The following FAM120B variants were observed in gnomAD, a reference collection of about 807,000 sequenced individuals.
The protein encoded by FAM120B is constitutive coactivator of peroxisome proliferator-activated receptor gamma.
Under a neutral mutation model 96.3 loss-of-function variants are expected in FAM120B, and 83 were observed. That is an observed-to-expected ratio of 0.86 (90% CI 0.72 to 1.03). FAM120B has a LOEUF of 1.03. FAM120B is among the 50% of genes least tolerant of loss of function. The pLI is 0.00. For missense variants in FAM120B, 1,027 were observed against 1,121.2 expected (o/e 0.92, Z 1.20); for synonymous variants, 407 against 402.7 (o/e 1.01, Z -0.13).
intron 4 of FAM120B, among the ~76,000 whole-genome samples, chr6:170,341,637 G>A (rs1429295255): frequency 6.6e-6 from 1 of 152,172 alleles, no homozygotes; most frequent in African/African-American, 2.4e-5. Flanking sequence ...GACACACAAG[G>A]GAATCTTCTG....
chr6:170,317,604 C>A lies in FAM120B; in HGVS notation c.214C>A (p.Arg72=). Residue 72 remains arginine, a synonymous_variant, in exon 2 of 11, where the codon CGA becomes AGA. Transcript: ENST00000476287. ...GQWREYFSAL[R]DFVKTFTAAG... ...GTGGCGAGAATACTTTTCTGCTTTGCGAGATTTTGTTAAAACTTTTACGGC... is the reference window on the plus strand; with the variant it reads ...GTGGCGAGAATACTTTTCTGCTTTGAGAGATTTTGTTAAAACTTTTACGGC... 1 of 1,614,134 alleles carries A rather than the reference C, an allele frequency of 6.2e-7. No homozygotes were observed. The highest frequency in any genetic ancestry group is 8.5e-7 in the Non-Finnish European group (1 of 1,180,030).
At chr6:170,300,934 G>A (rs764508457) in intron 1 of FAM120B, among the ~76,000 whole-genome samples, 43 of 152,324 alleles carry the variant, frequency 2.8e-4, no homozygotes, top group South Asian at 8.3e-4. Flanking sequence ...GGCATAGAGC[G>A]TCTGCAGCTT....
At chr6:170,358,356 A>T in intron 6 of FAM120B, 38 bp downstream of exon 6, 1 of 1,396,774 alleles carries the variant, frequency 7.2e-7, no homozygotes, top group Non-Finnish European at 1.0e-6. Flanking sequence ...TGCCCGGAAG[A>T]CAGCTGTGCA....
At position 170,319,130 on chromosome 6, in the gene FAM120B, T is replaced by A. The variant is rs1785130670; in HGVS notation, c.1734+6T>A. ...CAGACACTGAAATCTTAAAGGTATGTGTATCTGCCCAGCCAATATGCCATG... is the reference window on the plus strand; with the variant it reads ...CAGACACTGAAATCTTAAAGGTATGAGTATCTGCCCAGCCAATATGCCATG... On this transcript the variant is annotated splice_donor_region_variant and intron_variant, in intron 2 of 10. Coordinates refer to ENST00000476287, the MANE Select transcript of FAM120B (RefSeq NM_032448.3). 1 of 1,544,534 alleles carries A rather than the reference T, an allele frequency of 6.5e-7. No individual in the cohort carries two copies. The highest frequency in any genetic ancestry group is 1.2e-5 in the South Asian group (1 of 81,668).
chr6:170,347,937 A>G (rs1787300965), intron 4 of FAM120B, among the ~76,000 whole-genome samples: 1 of 152,242 alleles, frequency 6.6e-6, no homozygotes, highest in Admixed American at 6.5e-5. Flanking sequence ...AGCCATTAAA[A>G]AAAGAAGGAA....
intron 4 of FAM120B, among the ~76,000 whole-genome samples, chr6:170,341,921 C>CT (rs1786866739): frequency 6.6e-6 from 1 of 152,228 alleles, no homozygotes; most frequent in African/African-American, 2.4e-5. Context: ...GCTGTTCTTA[C>CT]TTGGCCATCT....
intron 6 of FAM120B, among the ~76,000 whole-genome samples, chr6:170,377,384 T>G (rs1789608932): frequency 1.8e-5 from 2 of 112,958 alleles, no homozygotes; most frequent in African/African-American, 6.9e-5. Context: ...GAACACAGGC[T>G]CACGCTGCTC....
At chr6:170,348,097 T>C (rs1787315839) in intron 4 of FAM120B, 54 bp from the exon 5 acceptor site, 1 of 1,448,366 alleles carries the variant, frequency 6.9e-7, no homozygotes. Flanking sequence ...AAGGAGCATA[T>C]TATAACTCTG....
chr6:170,299,221 T>C (rs1036283748), intron 1 of FAM120B, among the ~76,000 whole-genome samples: 2 of 152,258 alleles, frequency 1.3e-5, no homozygotes, highest in Non-Finnish European at 2.9e-5. Flanking sequence ...GTTTACTTAA[T>C]TCAACTTCTT....
At chr6:170,379,854 T>C (rs1368520157) in intron 6 of FAM120B, among the ~76,000 whole-genome samples, 9 of 152,184 alleles carry the variant, frequency 5.9e-5, no homozygotes, top group Non-Finnish European at 1.3e-4. Context: ...TGTGTATGTG[T>C]GTGTGGTAAA....
chr6:170,306,885 T>A (rs1784314345), intron 1 of FAM120B, 43 bp downstream of exon 1: 1 of 152,270 alleles, frequency 6.6e-6, no homozygotes, highest in Non-Finnish European at 1.5e-5. Context: ...TCCGGGCCGC[T>A]CCCGGCCTGC....
intron 6 of FAM120B, among the ~76,000 whole-genome samples, chr6:170,376,518 G>A (rs1198086984): frequency 6.6e-6 from 1 of 152,104 alleles, no homozygotes; most frequent in Non-Finnish European, 1.5e-5. Context: ...TTAGAGGAAT[G>A]GTAGAGCAGA....
In FAM120B at chr6:170,370,090, G is replaced by A. The variant is rs1404819503; in HGVS notation, c.2283+11772G>A. Among the ~76,000 whole-genome samples, 1 of 152,144 alleles carries A rather than the reference G, an allele frequency of 6.6e-6. No homozygotes were observed. The highest frequency in any genetic ancestry group is 1.9e-4 in the East Asian group (1 of 5,190). On this transcript the variant is annotated intron_variant, in intron 6 of 10. Coordinates refer to ENST00000476287, the MANE Select transcript of FAM120B (RefSeq NM_032448.3). The surrounding 1 kb of genome is among the most constrained non-coding windows in gnomAD (Gnocchi z 4.3). ...AATTTCTCTTTTAAACCCATTCTGT[G>A]AGTCGGCAGAAATTTATCGCAGAGA...
chr6:170,380,393 G>A (rs868659354), intron 6 of FAM120B, among the ~76,000 whole-genome samples: 1 of 152,126 alleles, frequency 6.6e-6, no homozygotes, highest in African/African-American at 2.4e-5. Flanking sequence ...GGGTCATATG[G>A]TAGCTCTATT....
At chr6:170,328,089 T>G (rs940988363) in intron 3 of FAM120B, among the ~76,000 whole-genome samples, 3 of 152,228 alleles carry the variant, frequency 2.0e-5, no homozygotes, top group African/African-American at 7.2e-5. Flanking sequence ...CTTTTTTACT[T>G]TATAAACTTT....
chr6:170,395,347 G>A (rs1303429813), intron 8 of FAM120B, 140 bp from the exon 9 acceptor site: 3 of 682,862 alleles, frequency 4.4e-6, no homozygotes, highest in Non-Finnish European at 7.9e-6. Flanking sequence ...CCTTAAATTT[G>A]CGTTTTTTCA....
At chr6:170,332,828 C>T (rs1203394690) in intron 4 of FAM120B, among the ~76,000 whole-genome samples, 1 of 152,122 alleles carries the variant, frequency 6.6e-6, no homozygotes, top group Non-Finnish European at 1.5e-5. Flanking sequence ...TTTCCTTGTT[C>T]TTCTAAGACA....
intron 5 of FAM120B, among the ~76,000 whole-genome samples, chr6:170,350,554 A>G (rs1395262113): frequency 6.6e-6 from 1 of 152,200 alleles, no homozygotes. Flanking sequence ...ACAGGTCAGT[A>G]ACCACTAGGA....
intron 4 of FAM120B, among the ~76,000 whole-genome samples, chr6:170,333,669 A>T (rs1786219287): frequency 1.3e-5 from 2 of 152,070 alleles, no homozygotes; most frequent in Admixed American, 1.3e-4. Context: ...TATTTTTAGT[A>T]GAGTCTGGGT....
Sources: allele counts gnomAD v4.1 joint callset (sites outside exome capture counted in the v4.1 genomes callset), GRCh38; gene constraint gnomAD v4.1.1; non-coding constraint Gnocchi (gnomAD v3.1); transcripts MANE v1.5; gene names NCBI Gene and HGNC (gene_info 2026-07-23, HGNC 2026-07-21).